The following SMAP2 variants were observed in gnomAD, a reference collection of about 807,000 sequenced individuals.
SMAP2 encodes stromal membrane-associated protein 2.
Under a neutral mutation model 56.4 loss-of-function variants are expected in SMAP2, and 25 were observed. The ratio of observed to expected loss-of-function variants is 0.44; its 90% CI spans 0.32 to 0.62. SMAP2 has a LOEUF of 0.62. Among genes scored for constraint, SMAP2 ranks in the 20% least tolerant of loss-of-function variants. SMAP2 has a pLI of 0.04. For synonymous variants in SMAP2, 157 were observed against 181.7 expected (o/e 0.86, Z 1.09); for missense variants, 388 against 545.6 (o/e 0.71, Z 2.88).
At chr1:40,360,257 C>T (rs209588) in intron 1 of SMAP2, among the ~76,000 whole-genome samples, 26,908 of 150,556 alleles carry the variant, frequency 0.18, 3,361 homozygotes, top group African/African-American at 0.36. Context: ...CCGCCTGCCT[C>T]GGCCTCCCAA....
At chr1:40,407,005 G>T in intron 2 of SMAP2, 136 bp downstream of exon 2, 1 of 865,694 alleles carries the variant, frequency 1.2e-6, no homozygotes, top group Non-Finnish European at 1.7e-6. Context: ...TCAGATTCTT[G>T]TACCCTAACA....
chr1:40,375,702 T>C (rs1456833608), intron 1 of SMAP2: 4 of 655,136 alleles, frequency 6.1e-6, no homozygotes, highest in East Asian at 1.4e-4. Context: ...ATTTTAGGAG[T>C]GTATCTTGGC....
At chr1:40,413,180 G>A in intron 5 of SMAP2, 78 bp downstream of exon 5, 8 of 1,074,578 alleles carry the variant, frequency 7.4e-6, no homozygotes, top group Admixed American at 3.5e-5. Context: ...AGGAGGTCTC[G>A]TGGTGAGTAC....
rs1644640414 is a variant in SMAP2, at chr1:40,385,063, G to T, written c.103+10840G>T. Among the ~76,000 whole-genome samples, 1 of 152,190 alleles carries T rather than the reference G, an allele frequency of 6.6e-6. No homozygotes were observed. The highest frequency in any genetic ancestry group is 1.5e-5 in the Non-Finnish European group (1 of 68,006). On this transcript the variant is annotated intron_variant, in intron 1 of 9. Coordinates refer to ENST00000372718, the MANE Select transcript of SMAP2 (RefSeq NM_022733.3). This position sits in a 1 kb window ranked among gnomAD's most constrained non-coding sequence, Gnocchi z 4.5. ...TCTCTCCCCAGTGGAAAGCCCCAGA[G>T]ATGAGCCAGATCTGCCTCAGCTGTG...
chr1:40,414,069 C>A, intron 5 of SMAP2, 90 bp from the exon 6 acceptor site: 1 of 1,114,062 alleles, frequency 9.0e-7, no homozygotes, highest in Non-Finnish European at 1.3e-6. Flanking sequence ...AGCAGCCCTA[C>A]CCACAAGAAC....
At chr1:40,389,578 T>C (rs1644695566) in intron 1 of SMAP2, among the ~76,000 whole-genome samples, 1 of 152,230 alleles carries the variant, frequency 6.6e-6, no homozygotes, top group South Asian at 2.1e-4. Flanking sequence ...TAATTGCTTC[T>C]TTGTGCCATT....
chr1:40,405,131 C>A (rs986382525), intron 1 of SMAP2, among the ~76,000 whole-genome samples: 1 of 152,156 alleles, frequency 6.6e-6, no homozygotes, highest in African/African-American at 2.4e-5. Flanking sequence ...ATCATGAATT[C>A]AAATTTCTAA....
intron 1 of SMAP2, among the ~76,000 whole-genome samples, chr1:40,346,362 A>G (rs547208745): frequency 6.6e-6 from 1 of 152,204 alleles, no homozygotes; most frequent in Admixed American, 6.6e-5. Context: ...AGGTTCTCAA[A>G]GACAAGAATA....
rs377353640 is a variant in SMAP2, at chr1:40,410,745, G to C, written c.402+910G>C. On this transcript the variant is annotated intron_variant, in intron 4 of 9. Coordinates refer to ENST00000372718, the MANE Select transcript of SMAP2 (RefSeq NM_022733.3). ...TAACTAGGACAAATATAACACACAG[G>C]GGGACAGACAGCATGATTTCTGAAA... Among the ~76,000 whole-genome samples, 29 of 152,220 alleles carry C rather than the reference G, an allele frequency of 1.9e-4. No individual in the cohort carries two copies. In the East Asian group the frequency reaches 5.0e-3, roughly 26 times the overall value.
chr1:40,383,851 T>C (rs1301071551), intron 1 of SMAP2, among the ~76,000 whole-genome samples: 1 of 152,078 alleles, frequency 6.6e-6, no homozygotes, highest in Non-Finnish European at 1.5e-5. Flanking sequence ...ACACAGAAAA[T>C]GTTGAGGATT....
chr1:40,349,664 A>AC (rs1436021188), intron 1 of SMAP2, among the ~76,000 whole-genome samples: 1 of 152,044 alleles, frequency 6.6e-6, no homozygotes, highest in African/African-American at 2.4e-5. Context: ...GATTACAGGC[A>AC]CGTGCCACCA....
intron 5 of SMAP2, among the ~76,000 whole-genome samples, chr1:40,413,392 C>T (rs1644956954): frequency 6.6e-6 from 1 of 152,234 alleles, no homozygotes; most frequent in Non-Finnish European, 1.5e-5. Flanking sequence ...GGCTGAGGGA[C>T]ACCATCTGAG....
Position 40,422,260 on chromosome 1 carries a change from C to A in SMAP2, c.*159C>A. 1.0e-6 allele frequency: 1 copy of A among 968,050 alleles called. No individual in the cohort carries two copies. The highest frequency in any genetic ancestry group is 2.4e-5 in the Admixed American group (1 of 42,066). 60.0% of individuals were successfully genotyped at this position (968,050 alleles called of 1,614,324 possible). ...TTTGGCATCCTGCCCAGCCACTTCC[C>A]AAACATGAAGACCTCTCTGTTGCTT... is the stretch of plus-strand genomic sequence containing the variant. On this transcript the variant is annotated 3_prime_UTR_variant, in exon 10 of 10. Transcript: ENST00000372718.
intron 1 of SMAP2, among the ~76,000 whole-genome samples, chr1:40,378,972 TTTTC>T (rs1418967057): frequency 2.1e-5 from 3 of 140,088 alleles, no homozygotes; most frequent in Admixed American, 7.2e-5. Flanking sequence ...ATTTCTTTTC[TTTTC>T]TTTTCTTTTT....
At position 40,363,284 on chromosome 1, in the gene SMAP2, G is replaced by A. The variant is rs574886650; in HGVS notation, c.55+848G>A. Among the ~76,000 whole-genome samples the A allele has an allele frequency of 2.2e-3, 338 of 152,252 alleles. 1 individual carries two copies. The highest frequency in any genetic ancestry group is 4.9e-3 in the Admixed American group (75 of 15,294). On this transcript the variant is annotated intron_variant, in intron 2 of 6. Coordinates refer to the SMAP2 transcript ENST00000435168. ...ATCTTCCATAGCAGGAAGTGAATAAGCAAAGCTGGGAAGGTAAATCATGGT... is the reference window on the plus strand; with the variant it reads ...ATCTTCCATAGCAGGAAGTGAATAAACAAAGCTGGGAAGGTAAATCATGGT...
At chr1:40,364,362 A>G (rs2312455) in intron 2 of SMAP2, among the ~76,000 whole-genome samples, 83,139 of 151,940 alleles carry the variant, frequency 0.55, 24,075 homozygotes, top group African/African-American at 0.73. Flanking sequence ...GGCTGAGTGG[A>G]GAGGATTGTT....
At chr1:40,365,414 G>T (rs1295389856) in intron 2 of SMAP2, among the ~76,000 whole-genome samples, 1 of 152,174 alleles carries the variant, frequency 6.6e-6, no homozygotes, top group African/African-American at 2.4e-5. Context: ...ATGAAATGTG[G>T]TATCAGGATT....
rs1253606140 is a variant in SMAP2 at position 40,378,509 on chromosome 1, C to T, written c.103+4286C>T. Among the ~76,000 whole-genome samples the T allele has an allele frequency of 2.6e-5, 4 of 152,152 alleles. No individual in the cohort carries two copies. In the East Asian group the frequency reaches 5.8e-4, roughly 22 times the overall value. On this transcript the variant is annotated intron_variant, in intron 1 of 9. Coordinates refer to ENST00000372718, the MANE Select transcript of SMAP2 (RefSeq NM_022733.3). ...CTTATCTACAATTGAGACAGGGTCT[C>T]ACTATGTTTCTCAGGCTAGTTCTAA...
Position 40,379,048 on chromosome 1 carries a change from T to G in SMAP2, c.103+4825T>G, listed in dbSNP as rs193236584. Reference sequence around the variant, plus strand: ...AGGCTGGCGTGCGATGGCAAGATCTTGGTTCACTGCAACCTCTCCCTCCTG... The same window carrying G: ...AGGCTGGCGTGCGATGGCAAGATCTGGGTTCACTGCAACCTCTCCCTCCTG... On this transcript the variant is annotated intron_variant, in intron 1 of 9. Coordinates refer to ENST00000372718, the MANE Select transcript of SMAP2 (RefSeq NM_022733.3). Among the ~76,000 whole-genome samples, 33 of 151,854 alleles carry G rather than the reference T, an allele frequency of 2.2e-4. 1 individual carries two copies. The highest frequency in any genetic ancestry group is 7.7e-4 in the African/African-American group (32 of 41,416).
Sources: allele counts gnomAD v4.1 joint callset (sites outside exome capture counted in the v4.1 genomes callset), GRCh38; gene constraint gnomAD v4.1.1; non-coding constraint Gnocchi (gnomAD v3.1); transcripts MANE v1.5; gene names NCBI Gene and HGNC (gene_info 2026-07-23, HGNC 2026-07-21).